Variants in CTNNA3 observed in about 807,000 individuals in gnomAD.
CTNNA3 encodes catenin alpha 3, also known as catenin alpha-3.
A neutral mutation model predicts 95.7 loss-of-function variants in CTNNA3; 76 were observed. The observed-to-expected ratio is 0.79, with a 90% CI of 0.66 to 0.96. CTNNA3 has a LOEUF of 0.96. Among genes scored for constraint, CTNNA3 ranks in the 40% least tolerant of loss-of-function variants. The pLI is 0.00. For synonymous variants in CTNNA3, 431 were observed against 374.4 expected (o/e 1.15, Z -1.74); for missense variants, 1,191 against 1,089.8 (o/e 1.09, Z -1.31).
rs1212003327 is a variant in CTNNA3 at position 67,301,968 on chromosome 10, G to A, written c.580-82098C>T. 8.5e-3 allele frequency among the ~76,000 whole-genome samples: 759 copies of A among 89,306 alleles called. 14 individuals are homozygous for A. Among genetic ancestry groups the A allele is most frequent in the African/African-American group, 0.031 (320 of 10,356 alleles). The allele number at this position is 89,306 out of a possible 152,430, so 58.6% of individuals were successfully genotyped here. On this transcript the variant is annotated intron_variant, in intron 5 of 17. Transcript: ENST00000433211. The stretch of plus-strand genomic sequence containing the variant: ...TGGGCGACAGAGCGAGACTCGTCAA[G>A]AAAGAAAAAAGAAAGAAAGAAAGAA...
At chr10:67,138,903 T>C (rs1265959998) in intron 7 of CTNNA3, among the ~76,000 whole-genome samples, 12 of 152,114 alleles carry the variant, frequency 7.9e-5, no homozygotes, top group Non-Finnish European at 1.5e-4. Flanking sequence ...GACAGGGCAC[T>C]TTAAAATTAT....
rs71006118 is a variant in CTNNA3 at position 67,066,195 on chromosome 10, CT to C, written c.1047+114121del. 7.3e-3 allele frequency among the ~76,000 whole-genome samples: 901 copies of C among 123,050 alleles called. 22 individuals carry two copies. Among genetic ancestry groups the C allele is most frequent in the Admixed American group, 0.053 (632 of 11,974 alleles). The allele number at this position is 123,050 out of a possible 152,430, so 80.7% of individuals were successfully genotyped here. A position where few individuals can be genotyped will look rare whatever the true frequency, so the allele number is the denominator to read the frequency against. ...CTGCTGTGCCCACTGAAGTCACTGG[CT>C]TTTTTTTTTTTTTTTTGAGACAGTC... On this transcript the variant is annotated intron_variant, in intron 7 of 17. Transcript: ENST00000433211.
chr10:66,217,340 G>A (rs574426539), intron 13 of CTNNA3, among the ~76,000 whole-genome samples: 32 of 133,118 alleles, frequency 2.4e-4, no homozygotes, highest in East Asian at 8.8e-4. Context: ...GCGACAGAGC[G>A]AGACTCTATC....
chr10:66,211,983 G>GTTTTTTTTTTTTTTT (rs61453326), intron 13 of CTNNA3, among the ~76,000 whole-genome samples: 1 of 95,012 alleles, frequency 1.1e-5, no homozygotes, highest in Non-Finnish European at 2.0e-5. Context: ...TTGTTTTTGG[G>GTTTTTTTTTTTTTTT]TTTTTTTTTT....
At chr10:67,210,176 A>G (rs918145129) in intron 6 of CTNNA3, among the ~76,000 whole-genome samples, 2 of 151,924 alleles carry the variant, frequency 1.3e-5, no homozygotes, top group African/African-American at 4.8e-5. Flanking sequence ...GCATGATGGC[A>G]TGCACCTGTA....
At chr10:66,001,204 G>A (rs367552497) in intron 15 of CTNNA3, among the ~76,000 whole-genome samples, 1 of 152,022 alleles carries the variant, frequency 6.6e-6, no homozygotes, top group Non-Finnish European at 1.5e-5. Flanking sequence ...GTAGCCTACA[G>A]TCCTGGGGTT....
In CTNNA3 at chr10:67,260,242, T is replaced by C. The variant is rs577085789; in HGVS notation, c.580-40372A>G. ...AAAGAGTGGGCAAGAACCTAGCTTC[T>C]GAGGAACAGAAACTCAGAAGATGCT... On this transcript the variant is annotated intron_variant, in intron 5 of 17. Coordinates refer to ENST00000433211, the MANE Select transcript of CTNNA3 (RefSeq NM_013266.4). 2.6e-5 allele frequency among the ~76,000 whole-genome samples: 4 copies of C among 152,096 alleles called. No individual in the cohort carries two copies. The East Asian group carries it at 7.8e-4, about 30-fold the overall frequency.
Position 67,497,759 on chromosome 10 carries a change from C to T in CTNNA3, c.579+24083G>A, listed in dbSNP as rs79571834. Among the ~76,000 whole-genome samples, 4,414 of 152,230 alleles carry T rather than the reference C, an allele frequency of 0.029. 409 individuals carry two copies. In the East Asian group the frequency reaches 0.34, roughly 12 times the overall value. ...TTGAGAAATATCTGTTCATATCCTT[C>T]ACCCACGTTTTGATGGGGTTGTTTG... On this transcript the variant is annotated intron_variant, in intron 5 of 17. Coordinates refer to ENST00000433211, the MANE Select transcript of CTNNA3 (RefSeq NM_013266.4).
intron 2 of CTNNA3, among the ~76,000 whole-genome samples, chr10:67,608,292 G>C (rs1843347026): frequency 6.6e-6 from 1 of 152,160 alleles, no homozygotes; most frequent in Non-Finnish European, 1.5e-5. Context: ...GACTAATACT[G>C]ACTTAATTAT....
Position 66,541,191 on chromosome 10 carries a change from G to A in CTNNA3, c.1375-20418C>T, listed in dbSNP as rs931467504. ...CCTGTTCAAATCTCATCATTGTATA[G>A]GTGTGGCTTCAATTATTTTCTCTTA... On this transcript the variant is annotated intron_variant, in intron 10 of 17. Transcript: ENST00000433211. Among the ~76,000 whole-genome samples the A allele has an allele frequency of 2.0e-5, 3 of 152,038 alleles. No individual in the cohort carries two copies. In the South Asian group the frequency reaches 6.2e-4, roughly 32 times the overall value.
rs1554928733 is a variant in CTNNA3, at chr10:67,133,366, CAT to C, written c.1047+46949_1047+46950del. Among the ~76,000 whole-genome samples, 279 of 124,586 alleles carry C rather than the reference CAT, an allele frequency of 2.2e-3. 7 individuals are homozygous for C. Among genetic ancestry groups the C allele is most frequent in the South Asian group, 6.0e-3 (22 of 3,670 alleles). The allele number at this position is 124,586 out of a possible 152,430, so 81.7% of individuals were successfully genotyped here. A position where few individuals can be genotyped will look rare whatever the true frequency, so the allele number is the denominator to read the frequency against. On this transcript the variant is annotated intron_variant, in intron 7 of 17. Coordinates refer to ENST00000433211, the MANE Select transcript of CTNNA3 (RefSeq NM_013266.4). Reference sequence around the variant, plus strand: ...ACAATGGTAGATACATACATACATACATATATATATATACACACACACACACA... The same window carrying C: ...ACAATGGTAGATACATACATACATACATATATATATACACACACACACACA...
At chr10:67,612,863 T>G (rs1843506024) in intron 2 of CTNNA3, among the ~76,000 whole-genome samples, 1 of 152,108 alleles carries the variant, frequency 6.6e-6, no homozygotes, top group South Asian at 2.1e-4. Context: ...CACCAATCTA[T>G]CATTATGAAA....
chr10:67,550,376 A>G (rs1431634566), intron 3 of CTNNA3, among the ~76,000 whole-genome samples: 1 of 152,198 alleles, frequency 6.6e-6, no homozygotes, highest in Non-Finnish European at 1.5e-5. Flanking sequence ...GAAAAACTAT[A>G]CTGCAGGAGT....
intron 7 of CTNNA3, among the ~76,000 whole-genome samples, chr10:66,893,684 A>G (rs1229694500): frequency 6.6e-6 from 1 of 152,154 alleles, no homozygotes; most frequent in African/African-American, 2.4e-5. Context: ...AATGGGGGGA[A>G]AATATGAGGG....
chr10:66,062,523 A>G (rs1176438538), intron 15 of CTNNA3, among the ~76,000 whole-genome samples: 2 of 152,162 alleles, frequency 1.3e-5, no homozygotes, highest in African/African-American at 4.8e-5. Context: ...GCTAAGTTTA[A>G]CCCTCAGAAA....
At chr10:67,463,228 T>C (rs1196302027) in intron 5 of CTNNA3, among the ~76,000 whole-genome samples, 1 of 152,080 alleles carries the variant, frequency 6.6e-6, no homozygotes, top group African/African-American at 2.4e-5. Flanking sequence ...TTTTACATAA[T>C]ACAAATGAAG....
intron 15 of CTNNA3, among the ~76,000 whole-genome samples, chr10:66,020,867 G>A (rs1050427323): frequency 3.3e-5 from 5 of 151,828 alleles, no homozygotes; most frequent in Admixed American, 6.6e-5. Context: ...TAGAGATGGG[G>A]TTTCACCGTG....
intron 12 of CTNNA3, among the ~76,000 whole-genome samples, chr10:66,341,788 T>G (rs1212501786): frequency 6.6e-6 from 1 of 151,890 alleles, no homozygotes; most frequent in Non-Finnish European, 1.5e-5. Flanking sequence ...AGATGGCCGC[T>G]GAGTCTGTGT....
intron 3 of CTNNA3, among the ~76,000 whole-genome samples, chr10:67,592,730 T>C (rs1481579618): frequency 2.0e-5 from 3 of 152,140 alleles, no homozygotes; most frequent in African/African-American, 7.2e-5. Context: ...TTTCCACTGC[T>C]AGCAATAATA....
Sources: gnomAD v4.1 joint callset for allele counts (sites outside exome capture counted in the v4.1 genomes callset) on GRCh38, gnomAD v4.1.1 for gene constraint, MANE v1.5 for transcripts, NCBI Gene and HGNC (gene_info 2026-07-23, HGNC 2026-07-21) for gene names.